FANK1: variants seen among roughly 807,000 people sequenced by gnomAD.
FANK1 encodes the protein fibronectin type 3 and ankyrin repeat domains protein 1.
A neutral mutation model predicts 45.3 loss-of-function variants in FANK1; 44 were observed. The ratio of observed to expected loss-of-function variants is 0.97; its 90% CI spans 0.76 to 1.25. The LOEUF (loss-of-function observed/expected upper bound fraction) is 1.25, where lower values mean the gene tolerates loss of function less well. Ranked by LOEUF, FANK1 falls within the 50% of genes most tolerant of loss-of-function variation. The pLI is 0.00. For synonymous variants in FANK1, 149 were observed against 152.5 expected (o/e 0.98, Z 0.17); for missense variants, 391 against 424.4 (o/e 0.92, Z 0.69).
In FANK1 at chr10:125,988,648, A is replaced by C. The variant is rs1408728078; in HGVS notation, c.289A>C (p.Ser97Arg). ...VTSPSGECEY[S>R]PLVSVSTTRE... The stretch of plus-strand genomic sequence containing the variant: ...CAGCCCCTCTGGGGAGTGTGAGTAC[A>C]GCCCACTCGTCTCAGTGTCTACAAC... Residue 97 changes from serine to arginine, a missense_variant, in exon 3 of 11, where the codon AGC (serine) becomes CGC (arginine). Transcript: ENST00000368693. The C allele has an allele frequency of 6.2e-7, 1 of 1,614,206 alleles. No individual in the cohort carries two copies. The highest frequency in any genetic ancestry group is 8.5e-7 in the Non-Finnish European group (1 of 1,180,026).
At chr10:125,907,081 G>A (rs1945587330) in intron 1 of FANK1, among the ~76,000 whole-genome samples, 1 of 152,192 alleles carries the variant, frequency 6.6e-6, no homozygotes, top group Non-Finnish European at 1.5e-5. Flanking sequence ...AAAGCCTTTA[G>A]CATTTAATAG....
intron 1 of FANK1, among the ~76,000 whole-genome samples, chr10:125,899,306 C>T (rs75501113): frequency 1.2e-4 from 19 of 152,120 alleles, no homozygotes; most frequent in African/African-American, 3.9e-4. Context: ...GTGATCCTCC[C>T]GCCCTGGCCT....
At chr10:125,916,927 C>A (rs1946491145) in intron 1 of FANK1, among the ~76,000 whole-genome samples, 1 of 152,224 alleles carries the variant, frequency 6.6e-6, no homozygotes, top group Non-Finnish European at 1.5e-5. Flanking sequence ...ATCCTTCTCT[C>A]TGAAGATAAC....
chr10:125,945,393 C>T (rs546512897), intron 1 of FANK1, among the ~76,000 whole-genome samples: 20 of 152,250 alleles, frequency 1.3e-4, no homozygotes, highest in East Asian at 7.8e-4. Flanking sequence ...AGTGGGTGCG[C>T]GCACCGTGCG....
At chr10:125,980,390 G>A in intron 2 of FANK1, 52 bp downstream of exon 2, 2 of 1,552,876 alleles carry the variant, frequency 1.3e-6, no homozygotes, top group Non-Finnish European at 1.7e-6. Flanking sequence ...CTGATTAGCT[G>A]GAATGATTTC....
intron 3 of FANK1, among the ~76,000 whole-genome samples, chr10:125,992,226 A>G (rs1470875024): frequency 2.0e-5 from 3 of 152,198 alleles, no homozygotes; most frequent in Admixed American, 2.0e-4. Flanking sequence ...ACTCCTGCCT[A>G]TAGTGGGAGT....
chr10:125,978,144 G>A (rs1014156425), intron 1 of FANK1, among the ~76,000 whole-genome samples: 16 of 152,172 alleles, frequency 1.1e-4, no homozygotes, highest in Non-Finnish European at 2.2e-4. Flanking sequence ...GAACCTGGAG[G>A]TGTCACCAGT....
chr10:126,008,982 G>A, intron 8 of FANK1, 72 bp from the exon 9 acceptor site: 8 of 1,459,960 alleles, frequency 5.5e-6, no homozygotes, highest in Non-Finnish European at 6.6e-6. Context: ...GCATGTGCCA[G>A]GCTCATGCCC....
chr10:125,900,696 G>T (rs1944962059), intron 1 of FANK1, among the ~76,000 whole-genome samples: 1 of 152,076 alleles, frequency 6.6e-6, no homozygotes, highest in Non-Finnish European at 1.5e-5. Flanking sequence ...CTGTTACCCA[G>T]GCTGCAGTGT....
chr10:126,007,846 A>G (rs79878848), intron 7 of FANK1, among the ~76,000 whole-genome samples: 6,539 of 152,276 alleles, frequency 0.043, 342 homozygotes, highest in African/African-American at 0.12. Flanking sequence ...AAATTGAGAG[A>G]TTTCAGTGTA....
At chr10:125,944,462 C>A (rs1007576975) in intron 1 of FANK1, among the ~76,000 whole-genome samples, 2 of 152,172 alleles carry the variant, frequency 1.3e-5, no homozygotes, top group Non-Finnish European at 2.9e-5. Context: ...GATGAATAAA[C>A]CTTTTTCACT....
chr10:125,962,691 A>C (rs1236827514), intron 1 of FANK1, among the ~76,000 whole-genome samples: 1 of 152,118 alleles, frequency 6.6e-6, no homozygotes, highest in Non-Finnish European at 1.5e-5. Context: ...ATCTTCTCGA[A>C]GACAGTGTAC....
intron 1 of FANK1, among the ~76,000 whole-genome samples, chr10:125,945,136 C>T (rs1036960158): frequency 1.3e-5 from 2 of 152,116 alleles, no homozygotes; most frequent in Non-Finnish European, 2.9e-5. Flanking sequence ...TTGTATGTGT[C>T]TTATGATTAA....
At chr10:125,896,829 A>T (rs1015388596) in intron 1 of FANK1, among the ~76,000 whole-genome samples, 174 bp downstream of exon 1, 6 of 152,288 alleles carry the variant, frequency 3.9e-5, no homozygotes, top group African/African-American at 1.4e-4. Flanking sequence ...AGGGGGCTAC[A>T]TCCTGCCAAG....
chr10:125,938,294 TAAAAA>T (rs11318152), intron 1 of FANK1, among the ~76,000 whole-genome samples: 1 of 151,524 alleles, frequency 6.6e-6, no homozygotes. Flanking sequence ...AATTTATGAT[TAAAAA>T]AAAAATCCTG....
At chr10:125,931,402 G>A (rs1947742495) in intron 1 of FANK1, among the ~76,000 whole-genome samples, 1 of 152,082 alleles carries the variant, frequency 6.6e-6, no homozygotes, top group African/African-American at 2.4e-5. Flanking sequence ...TTTTGATTAT[G>A]GCCTTTCTTG....
chr10:125,968,591 C>T (rs938820965), intron 1 of FANK1, among the ~76,000 whole-genome samples: 3 of 152,120 alleles, frequency 2.0e-5, no homozygotes, highest in African/African-American at 7.2e-5. Flanking sequence ...ATTGCAAATT[C>T]CAATACAGTG....
chr10:125,999,653 A>C (rs1353581524), intron 6 of FANK1, among the ~76,000 whole-genome samples: 3 of 152,112 alleles, frequency 2.0e-5, no homozygotes, highest in Non-Finnish European at 1.5e-5. Flanking sequence ...CTTGATGTGA[A>C]ATCTGCATCC....
At chr10:125,961,306 A>G (rs1418727532) in intron 1 of FANK1, among the ~76,000 whole-genome samples, 2 of 152,026 alleles carry the variant, frequency 1.3e-5, no homozygotes, top group African/African-American at 4.8e-5. Flanking sequence ...ACAGAGTCTC[A>G]CTATATTGTG....
Sources: allele counts gnomAD v4.1 joint callset (sites outside exome capture counted in the v4.1 genomes callset), GRCh38; gene constraint gnomAD v4.1.1; transcripts MANE v1.5; gene names NCBI Gene and HGNC (gene_info 2026-07-23, HGNC 2026-07-21).